The following GMNC variants were observed in gnomAD, a reference collection of about 807,000 sequenced individuals.
The protein encoded by GMNC is geminin coiled-coil domain-containing protein 1.
In GMNC, 16 loss-of-function variants were observed where a neutral mutation model predicts 33.6. That is an observed-to-expected ratio of 0.48 (90% CI 0.32 to 0.72). The LOEUF (loss-of-function observed/expected upper bound fraction) is 0.72. GMNC is among the 30% of genes least tolerant of loss of function. GMNC has a pLI of 0.03. For synonymous variants in GMNC, 156 were observed against 147.3 expected (o/e 1.06, Z -0.43); for missense variants, 393 against 388.9 (o/e 1.01, Z -0.09).
the GMNC span, among the ~76,000 whole-genome samples, chr3:190,843,573 CT>C: frequency 1.3e-5 from 2 of 152,114 alleles, no homozygotes; most frequent in Non-Finnish European, 2.9e-5. Context: ...CCTGCTTTCC[CT>C]TTATAATTCT....
At chr3:190,843,714 CATTGTGTATT>C in the GMNC span, among the ~76,000 whole-genome samples, 1 of 152,120 alleles carries the variant, frequency 6.6e-6, no homozygotes, top group Admixed American at 6.6e-5. Context: ...GGTATTCAAC[CATTGTGTATT>C]ATAGACACTG....
Position 190,860,817 on chromosome 3 carries a change from G to A in GMNC, c.45C>T (p.Gly15=), listed in dbSNP as rs1737847394. ...LPCQDQYFVG[G]QSYNCPYSTT... is the part of the protein sequence containing the mutation. Reference sequence around the variant, plus strand: ...TGGAATACGGGCAATTATAGCTCTGGCCTCCTACAAAGTACTGGTCTTGGC... The same window carrying A: ...TGGAATACGGGCAATTATAGCTCTGACCTCCTACAAAGTACTGGTCTTGGC... Residue 15 remains glycine (G), a synonymous_variant, in exon 2 of 5, where the codon GGC becomes GGT. Coordinates refer to ENST00000442080, the MANE Select transcript of GMNC (RefSeq NM_001146686.3). The A allele has an allele frequency of 6.4e-7, 1 of 1,551,386 alleles. No homozygotes were observed. Among genetic ancestry groups the A allele is most frequent in the Non-Finnish European group, 8.7e-7 (1 of 1,146,874 alleles).
chr3:190,859,013 G>A lies in GMNC; in HGVS notation c.182C>T (p.Ser61Leu). The A allele has an allele frequency of 1.3e-6, 2 of 1,529,638 alleles. No homozygotes were observed. The highest frequency in any genetic ancestry group is 1.8e-6 in the Non-Finnish European group (2 of 1,127,368). The allele number at this position is 1,529,638 out of a possible 1,614,324, so 94.8% of individuals were successfully genotyped here. The change falls in exon 3 of 5, where the codon TCA (serine) becomes TTA (leucine). Residue 61 changes from serine (S) to leucine (L), a missense_variant. Transcript: ENST00000442080. ...ELQQAPQAQE[S>L]FSDSNFPLPD... is the part of the protein sequence containing the mutation. ...AAGAGGAAAATTTGAGTCACTGAAT[G>A]ATTCTGTGAAAATACAAATAGATAA...
At chr3:190,845,966 G>A in the GMNC span, among the ~76,000 whole-genome samples, 7 of 152,148 alleles carry the variant, frequency 4.6e-5, no homozygotes, top group African/African-American at 1.7e-4. Flanking sequence ...TGTGGCTCAT[G>A]CCTGTAATCC....
downstream of GMNC, among the ~76,000 whole-genome samples, chr3:190,852,497 C>A (rs1737651051): frequency 6.6e-6 from 1 of 152,028 alleles, no homozygotes; most frequent in East Asian, 1.9e-4. Context: ...GATCAGAGGA[C>A]ATTGGAAAAT....
intron 2 of GMNC, among the ~76,000 whole-genome samples, 178 bp from the exon 3 acceptor site, chr3:190,859,194 A>G (rs1246166000): frequency 6.6e-6 from 1 of 152,234 alleles, no homozygotes; most frequent in Non-Finnish European, 1.5e-5. Context: ...GCAAGCTGTG[A>G]GAGACAAATA....
chr3:190,855,768 C>T lies in GMNC; in HGVS notation c.532G>A (p.Glu178Lys), dbSNP rs1372928080. The T allele has an allele frequency of 1.9e-6, 3 of 1,551,370 alleles. No individual in the cohort carries two copies. The highest frequency in any genetic ancestry group is 2.7e-5 in the African/African-American group (2 of 72,988). ...TCCACAGGGGGCCCAGCTTGTTCTT[C>T]ACAGTTAGCAAATTCACTAGAGAGG... Reference protein sequence around the residue: ...RNLSSEFANCEEQAGPPVDPW... With the variant: ...RNLSSEFANCKEQAGPPVDPW... The change falls in exon 5 of 5, where the codon GAA (glutamate) becomes AAA (lysine). Residue 178 changes from glutamate to lysine, a missense_variant. Glu to Lys is a moderately conservative substitution (Grantham distance 56). Coordinates refer to ENST00000442080, the MANE Select transcript of GMNC (RefSeq NM_001146686.3).
downstream of GMNC, among the ~76,000 whole-genome samples, chr3:190,850,818 A>T (rs960469192): frequency 7.2e-5 from 11 of 152,236 alleles, no homozygotes; most frequent in African/African-American, 2.7e-4. Context: ...AATGTGGCCC[A>T]TATAACACTT....
the GMNC span, among the ~76,000 whole-genome samples, chr3:190,844,597 A>G: frequency 6.1e-4 from 93 of 152,008 alleles, no homozygotes; most frequent in African/African-American, 2.2e-3. Flanking sequence ...ATCAGAAAAA[A>G]GTATTTATCA....
In GMNC at chr3:190,853,504, G is replaced by A. The variant is rs1737670303; in HGVS notation, c.*1791C>T. 1 of 151,926 alleles carries A rather than the reference G, an allele frequency of 6.6e-6. No homozygotes were observed. Among genetic ancestry groups the A allele is most frequent in the African/African-American group, 2.4e-5 (1 of 41,354 alleles). 9.4% of individuals were successfully genotyped at this position (151,926 alleles called of 1,614,324 possible). ...TTCTTCATAAATTATTTTTAAAAGT[G>A]GGTGGCAACAAAACTTTATAAAACA... On this transcript the variant is annotated 3_prime_UTR_variant, in exon 5 of 5. Transcript: ENST00000442080.
rs542392928 is a variant in GMNC, at chr3:190,854,516, C to G, written c.*779G>C. On this transcript the variant is annotated 3_prime_UTR_variant, in exon 5 of 5. Transcript: ENST00000442080. The stretch of plus-strand genomic sequence containing the variant: ...GCATCTGGGTAGTTGCAGATGATGA[C>G]TAGTTTTGTTACCACAGTCCCTCAA... 1 of 152,244 alleles carries G rather than the reference C, an allele frequency of 6.6e-6. No homozygotes were observed. The highest frequency in any genetic ancestry group is 2.1e-4 in the South Asian group (1 of 4,824). 9.4% of individuals were successfully genotyped at this position (152,244 alleles called of 1,614,324 possible).
the GMNC span, among the ~76,000 whole-genome samples, chr3:190,845,337 T>G: frequency 3.3e-5 from 5 of 152,232 alleles, no homozygotes; most frequent in East Asian, 9.7e-4. Flanking sequence ...GTTCCCACAC[T>G]GGTATAAAGA....
In GMNC at chr3:190,853,269, T is replaced by C. The variant is rs1215515671; in HGVS notation, c.*2026A>G. ...ATTATTAGACTTTCAAAATTAGTTA[T>C]ATTACTTTCTCAATTCCTAGTGTCA... On this transcript the variant is annotated 3_prime_UTR_variant, in exon 5 of 5. Transcript: ENST00000442080. 6.6e-6 allele frequency: 1 copy of C among 152,168 alleles called. No individual in the cohort carries two copies. The highest frequency in any genetic ancestry group is 1.5e-5 in the Non-Finnish European group (1 of 67,998). 9.4% of individuals were successfully genotyped at this position (152,168 alleles called of 1,614,324 possible).
chr3:190,859,386 T>TTCCATTAC (rs1737814923), intron 2 of GMNC, among the ~76,000 whole-genome samples: 2 of 151,948 alleles, frequency 1.3e-5, no homozygotes, highest in African/African-American at 4.8e-5. Context: ...AATTCCATTA[T>TTCCATTAC]GTTTTTCTAG....
In GMNC at chr3:190,859,058, G is replaced by C. The variant is rs998079106; in HGVS notation, c.179-42C>G. The stretch of plus-strand genomic sequence containing the variant: ...AGATAACTGAGAAAATAATCTTGTA[G>C]TTTCTGTGTAATAAAGAAACTTATC... On this transcript the variant is annotated intron_variant, in intron 2 of 4. Coordinates refer to ENST00000442080, the MANE Select transcript of GMNC (RefSeq NM_001146686.3). The C allele has an allele frequency of 3.3e-6, 4 of 1,200,910 alleles. No homozygotes were observed. The African/African-American group carries it at 6.1e-5, about 18-fold the overall frequency. The allele number at this position is 1,200,910 out of a possible 1,614,324, so 74.4% of individuals were successfully genotyped here. A position where few individuals can be genotyped will look rare whatever the true frequency, so the allele number is the denominator to read the frequency against.
intron 2 of GMNC, among the ~76,000 whole-genome samples, 175 bp downstream of exon 2, chr3:190,860,509 C>T (rs1283118157): frequency 6.6e-6 from 1 of 152,170 alleles, no homozygotes; most frequent in East Asian, 1.9e-4. Context: ...CCCATTTTCA[C>T]TATTTGGCAA....
rs891117418 is a variant in GMNC, at chr3:190,855,041, C to G, written c.*254G>C. 1 of 481,780 alleles carries G rather than the reference C, an allele frequency of 2.1e-6. No individual in the cohort carries two copies. The highest frequency in any genetic ancestry group is 3.8e-6 in the Non-Finnish European group (1 of 264,506). The allele number at this position is 481,780 out of a possible 1,614,324, so 29.8% of individuals were successfully genotyped here. On this transcript the variant is annotated 3_prime_UTR_variant, in exon 5 of 5. Coordinates refer to ENST00000442080, the MANE Select transcript of GMNC (RefSeq NM_001146686.3). ...GGAAAATACCTTATCAAGTATAGGG[C>G]AAAGAGAGGATGTCAATAGCAGGTA...
In GMNC at chr3:190,855,093, G is replaced by T; in HGVS notation, c.*202C>A. ...TGGTGTGTAAACAAGTCAAATTTAGGTAAAAGAAGCGCGGACACGTTTCAT... is the reference window on the plus strand; with the variant it reads ...TGGTGTGTAAACAAGTCAAATTTAGTTAAAAGAAGCGCGGACACGTTTCAT... On this transcript the variant is annotated 3_prime_UTR_variant, in exon 5 of 5. Coordinates refer to ENST00000442080, the MANE Select transcript of GMNC (RefSeq NM_001146686.3). 1 of 583,226 alleles carries T rather than the reference G, an allele frequency of 1.7e-6. No individual in the cohort carries two copies. Among genetic ancestry groups the T allele is most frequent in the Non-Finnish European group, 3.0e-6 (1 of 331,154 alleles). The allele number at this position is 583,226 out of a possible 1,614,324, so 36.1% of individuals were successfully genotyped here.
At chr3:190,856,377 A>G (rs1285469498) in intron 4 of GMNC, among the ~76,000 whole-genome samples, 1 of 142,540 alleles carries the variant, frequency 7.0e-6, no homozygotes, top group Non-Finnish European at 1.5e-5. Context: ...ATTTAGAAAT[A>G]GATATATTTA....
Sources: gnomAD v4.1 joint callset for allele counts (sites outside exome capture counted in the v4.1 genomes callset) on GRCh38, gnomAD v4.1.1 for gene constraint, MANE v1.5 for transcripts, NCBI Gene and HGNC (gene_info 2026-07-23, HGNC 2026-07-21) for gene names.